The following ADAM32 variants were observed in gnomAD, a reference collection of about 807,000 sequenced individuals.
ADAM32 encodes the protein disintegrin and metalloproteinase domain-containing protein 32.
In ADAM32, 89 loss-of-function variants were observed where a neutral mutation model predicts 114.9. The ratio of observed to expected loss-of-function variants is 0.77; its 90% CI spans 0.65 to 0.92. The LOEUF (loss-of-function observed/expected upper bound fraction) is 0.92, where lower values mean the gene tolerates loss of function less well. Among genes scored for constraint, ADAM32 ranks in the 40% least tolerant of loss-of-function variants. ADAM32 has a pLI of 0.00. For missense variants in ADAM32, 870 were observed against 932.8 expected (o/e 0.93, Z 0.88); for synonymous variants, 285 against 307.5 (o/e 0.93, Z 0.77).
chr8:39,227,409 G>A lies in ADAM32; in HGVS notation c.1525+4171G>A, dbSNP rs73606795. 5.5e-3 allele frequency among the ~76,000 whole-genome samples: 834 copies of A among 152,292 alleles called. 3 individuals are homozygous for A. Among genetic ancestry groups the A allele is most frequent in the African/African-American group, 0.019 (775 of 41,574 alleles). Reference sequence around the variant, plus strand: ...AGACCATTCCTGCCTGGCACCACAGGGATCTATCTGGAGGACGGCCAGAGG... The same window carrying A: ...AGACCATTCCTGCCTGGCACCACAGAGATCTATCTGGAGGACGGCCAGAGG... On this transcript the variant is annotated intron_variant, in intron 14 of 24. Coordinates refer to ENST00000379907, the MANE Select transcript of ADAM32 (RefSeq NM_145004.7).
chr8:39,216,695 C>T (rs759778134), intron 12 of ADAM32, among the ~76,000 whole-genome samples: 22 of 152,010 alleles, frequency 1.4e-4, no homozygotes, highest in Non-Finnish European at 1.6e-4. Context: ...CAATTTAACA[C>T]TGTGCACAAA....
chr8:39,248,740 C>T (rs181106549), intron 17 of ADAM32, among the ~76,000 whole-genome samples: 2 of 152,156 alleles, frequency 1.3e-5, no homozygotes, highest in East Asian at 1.9e-4. Flanking sequence ...TGAGAGGAGA[C>T]GTCCTTGCAT....
At chr8:39,160,471 C>T (rs1804429020) in intron 6 of ADAM32, among the ~76,000 whole-genome samples, 2 of 130,922 alleles carry the variant, frequency 1.5e-5, no homozygotes, top group African/African-American at 5.9e-5. Context: ...ACCAAGGAGG[C>T]GGAGCTTGCA....
chr8:39,219,534 C>T (rs1027489953), intron 12 of ADAM32, among the ~76,000 whole-genome samples: 2 of 152,146 alleles, frequency 1.3e-5, no homozygotes, highest in Non-Finnish European at 2.9e-5. Flanking sequence ...TACACTGTGT[C>T]AGGGCAACAT....
intron 11 of ADAM32, among the ~76,000 whole-genome samples, chr8:39,208,370 T>C (rs751363330): frequency 5.9e-5 from 9 of 152,198 alleles, no homozygotes; most frequent in African/African-American, 2.2e-4. Context: ...TTATATTACC[T>C]ATCTCTTAAA....
intron 16 of ADAM32, among the ~76,000 whole-genome samples, chr8:39,242,305 A>G (rs770117249): frequency 1.3e-5 from 2 of 152,174 alleles, no homozygotes; most frequent in Non-Finnish European, 2.9e-5. Context: ...TCTGCCTGTT[A>G]CCCAGTTCCA....
intron 11 of ADAM32, among the ~76,000 whole-genome samples, chr8:39,187,787 C>T (rs2129447245): frequency 6.6e-6 from 1 of 152,138 alleles, no homozygotes; most frequent in East Asian, 1.9e-4. Context: ...CTTTTCTCAT[C>T]TTTAAATGGG....
At chr8:39,175,483 T>C (rs577233247) in intron 10 of ADAM32, among the ~76,000 whole-genome samples, 1 of 152,348 alleles carries the variant, frequency 6.6e-6, no homozygotes, top group Admixed American at 6.5e-5. Flanking sequence ...TCACATTTAT[T>C]GATTTGTGTG....
In ADAM32 at chr8:39,118,098, C is replaced by A; in HGVS notation, c.71C>A (p.Ser24Ter). ...TTTATCTCTTCAGGTTTTCAAAATT[C>A]ACTTCTACAGATCGTAATTCCAGAG... ...LLASRPGFQN[S>*]LLQIVIPEKI... The change falls in exon 2 of 25, where the codon TCA (serine) becomes TAA (stop). Residue 24 changes from serine (S) to a stop codon, truncating the protein, a stop_gained. Transcript: ENST00000379907. LOFTEE classifies it high-confidence loss of function. The A allele has an allele frequency of 6.8e-7, 1 of 1,472,452 alleles. No individual in the cohort carries two copies. The highest frequency in any genetic ancestry group is 9.0e-7 in the Non-Finnish European group (1 of 1,106,680). The allele number at this position is 1,472,452 out of a possible 1,614,324, so 91.2% of individuals were successfully genotyped here.
chr8:39,149,702 T>G lies in ADAM32; in HGVS notation c.277-89T>G, dbSNP rs1023573252. The G allele has an allele frequency of 1.2e-5, 11 of 929,120 alleles. No homozygotes were observed. The African/African-American group carries it at 1.8e-4, about 15-fold the overall frequency. The allele number at this position is 929,120 out of a possible 1,614,324, so 57.6% of individuals were successfully genotyped here. A position where few individuals can be genotyped will look rare whatever the true frequency, so the allele number is the denominator to read the frequency against. ...AAATCACGGAGCCTGTGAAAAATAT[T>G]CAGAAGGTTCTATCAAGTATAGAAG... On this transcript the variant is annotated intron_variant, in intron 4 of 24. Coordinates refer to ENST00000379907, the MANE Select transcript of ADAM32 (RefSeq NM_145004.7).
chr8:39,215,220 A>G (rs888162806), intron 12 of ADAM32, among the ~76,000 whole-genome samples: 6 of 151,766 alleles, frequency 4.0e-5, no homozygotes, highest in Non-Finnish European at 8.8e-5. Context: ...GAGGAATGTC[A>G]CTGGTATTTT....
chr8:39,254,230 T>C lies in ADAM32; in HGVS notation c.1903-184T>C, dbSNP rs866304943. On this transcript the variant is annotated intron_variant, in intron 17 of 24. Transcript: ENST00000379907. ...GAGAGCCTCACTTTATAGTTCTTTTTTTTTTTTTTTTGCTTTGTGTGTGTG... is the reference window on the plus strand; with the variant it reads ...GAGAGCCTCACTTTATAGTTCTTTTCTTTTTTTTTTTGCTTTGTGTGTGTG... Among the ~76,000 whole-genome samples, 59 of 151,000 alleles carry C rather than the reference T, an allele frequency of 3.9e-4. 2 individuals are homozygous for C. In the Middle Eastern group the frequency reaches 0.045, roughly 114 times the overall value.
intron 9 of ADAM32, chr8:39,168,729 G>C (rs1401707937): frequency 6.6e-6 from 1 of 152,122 alleles, no homozygotes; most frequent in Non-Finnish European, 1.5e-5. Context: ...TTCATAGTTA[G>C]AACTGGAGCT....
At chr8:39,230,899 A>G (rs1486672348) in intron 14 of ADAM32, among the ~76,000 whole-genome samples, 1 of 152,194 alleles carries the variant, frequency 6.6e-6, no homozygotes, top group African/African-American at 2.4e-5. Context: ...ATTATTATCT[A>G]CTTTTGTCAA....
chr8:39,123,785 C>A (rs1296724775), intron 2 of ADAM32, among the ~76,000 whole-genome samples: 1 of 149,542 alleles, frequency 6.7e-6, no homozygotes, highest in Non-Finnish European at 1.5e-5. Context: ...TGGCTCACTG[C>A]AACCTCTGCC....
Position 39,160,321 on chromosome 8 carries a change from G to T in ADAM32, c.526-576G>T, listed in dbSNP as rs182096753. Among the ~76,000 whole-genome samples the T allele has an allele frequency of 2.8e-3, 420 of 152,144 alleles. 7 individuals are homozygous for T. Among genetic ancestry groups the T allele is most frequent in the African/African-American group, 9.1e-3 (380 of 41,540 alleles). On this transcript the variant is annotated intron_variant, in intron 6 of 24. Transcript: ENST00000379907. ...TTTGGGAGGCCAAGGCGGGCGGATCGCGAGGTCAGGAGATGGAGACCATCC... is the reference window on the plus strand; with the variant it reads ...TTTGGGAGGCCAAGGCGGGCGGATCTCGAGGTCAGGAGATGGAGACCATCC...
At chr8:39,217,677 T>G (rs4537270) in intron 12 of ADAM32, among the ~76,000 whole-genome samples, 110,822 of 152,008 alleles carry the variant, frequency 0.73, 40,556 homozygotes, top group Middle Eastern at 0.79. Context: ...GTAGGTCAAT[T>G]GTGTCTTTCA....
intron 15 of ADAM32, among the ~76,000 whole-genome samples, chr8:39,232,409 T>G (rs1229788846): frequency 6.6e-6 from 1 of 152,150 alleles, no homozygotes; most frequent in African/African-American, 2.4e-5. Context: ...CCCGCTCATT[T>G]TTCCTTTCCA....
chr8:39,258,727 G>A (rs1811824383), intron 19 of ADAM32, among the ~76,000 whole-genome samples: 1 of 151,950 alleles, frequency 6.6e-6, no homozygotes, highest in Non-Finnish European at 1.5e-5. Flanking sequence ...ATACATACTG[G>A]GTTTTTTTCC....
Sources: allele counts gnomAD v4.1 joint callset (sites outside exome capture counted in the v4.1 genomes callset), GRCh38; gene constraint gnomAD v4.1.1; transcripts MANE v1.5; gene names NCBI Gene and HGNC (gene_info 2026-07-23, HGNC 2026-07-21).